Variants in EED observed in about 807,000 individuals in gnomAD.
The protein encoded by EED is polycomb protein EED.
In EED, 9 loss-of-function variants were observed where a neutral mutation model predicts 61.0. That is an observed-to-expected ratio of 0.15 (90% CI 0.09 to 0.26). EED has a LOEUF of 0.26. Among genes scored for constraint, EED ranks in the 10% least tolerant of loss-of-function variants. The probability of loss-of-function intolerance (pLI) is 1.00; values close to 1 mark genes in which losing one functional copy is unlikely to be tolerated. For missense variants in EED, 315 were observed against 542.3 expected, an observed-to-expected ratio of 0.58 and a Z score of 4.16; for synonymous variants, 187 against 174.4, an observed-to-expected ratio of 1.07 and a Z score of -0.57.
At chr11:86,277,891 G>T in intron 10 of EED, 27 bp from the exon 11 acceptor site, 2 of 1,500,978 alleles carry the variant, frequency 1.3e-6, no homozygotes, top group East Asian at 2.6e-5. Flanking sequence ...TTATTAATTT[G>T]ATGTTTTTAA....
chr11:86,256,076 T>G (rs898558904), intron 4 of EED, among the ~76,000 whole-genome samples: 6 of 152,216 alleles, frequency 3.9e-5, no homozygotes, highest in Admixed American at 6.5e-5. Context: ...TTTGTAAAGT[T>G]TTGTTTTGAA....
intron 6 of EED, among the ~76,000 whole-genome samples, chr11:86,258,029 T>A (rs1945721473): frequency 1.3e-5 from 2 of 152,238 alleles, no homozygotes. Context: ...GTTACTTAGG[T>A]TGACAGGTCC....
intron 9 of EED, among the ~76,000 whole-genome samples, chr11:86,274,449 G>A (rs902824200): frequency 6.6e-6 from 1 of 152,126 alleles, no homozygotes; most frequent in Non-Finnish European, 1.5e-5. Flanking sequence ...GGTATTTTGG[G>A]TATTACGAGA....
At chr11:86,277,365 G>A in intron 10 of EED, 1 of 348,508 alleles carries the variant, frequency 2.9e-6, no homozygotes, top group Non-Finnish European at 5.2e-6. Flanking sequence ...TAAGTTGGCA[G>A]TTAGGTATCA....
chr11:86,267,310 T>C (rs777498316), intron 8 of EED, among the ~76,000 whole-genome samples: 8 of 152,198 alleles, frequency 5.3e-5, no homozygotes, highest in Non-Finnish European at 1.2e-4. Flanking sequence ...ATTGGAAGGA[T>C]TGTTTTGAGT....
chr11:86,268,619 G>GTGTGTGTA, intron 9 of EED, 58 bp downstream of exon 9: 2 of 1,127,182 alleles, frequency 1.8e-6, no homozygotes, highest in South Asian at 3.3e-5. Context: ...GTGTGTGTGT[G>GTGTGTGTA]TGTGTGTATG....
At chr11:86,271,048 A>G (rs1946100974) in intron 9 of EED, among the ~76,000 whole-genome samples, 1 of 152,142 alleles carries the variant, frequency 6.6e-6, no homozygotes, top group Non-Finnish European at 1.5e-5. Flanking sequence ...CTACATTTCT[A>G]AAAATCTTGC....
intron 3 of EED, among the ~76,000 whole-genome samples, chr11:86,252,514 CTTTTT>C (rs369772003): frequency 7.2e-6 from 1 of 138,178 alleles, no homozygotes. Flanking sequence ...AATTGGCGTC[CTTTTT>C]TTTTTTTTTT....
chr11:86,277,187 AT>A (rs1353468605), intron 10 of EED, 49 bp downstream of exon 10: 1 of 1,475,710 alleles, frequency 6.8e-7, no homozygotes, highest in East Asian at 2.3e-5. Context: ...ATGAAAGACC[AT>A]TGTAATTCTA....
intron 9 of EED, among the ~76,000 whole-genome samples, chr11:86,271,737 A>G (rs1213547250): frequency 1.3e-5 from 2 of 152,058 alleles, no homozygotes; most frequent in Non-Finnish European, 2.9e-5. Flanking sequence ...ATCAGTTTAT[A>G]TGCTCATATG....
chr11:86,257,336 G>C (rs1427730120), intron 5 of EED, among the ~76,000 whole-genome samples, 179 bp from the exon 6 acceptor site: 1 of 149,328 alleles, frequency 6.7e-6, no homozygotes, highest in Non-Finnish European at 1.5e-5. Flanking sequence ...ACTGTGCCTG[G>C]GGTCTTTTTT....
the EED span, among the ~76,000 whole-genome samples, chr11:86,286,802 C>T: frequency 1.3e-5 from 2 of 151,798 alleles, no homozygotes; most frequent in Non-Finnish European, 2.9e-5. Flanking sequence ...GAAACCCCGT[C>T]TCTACTAAAA....
At position 86,262,951 on chromosome 11, in the gene EED, G is replaced by T. The variant is rs150626505; in HGVS notation, c.635-1221G>T. Reference sequence around the variant, plus strand: ...CTCAGTCCCCTAAGTAGCTAGAACTGCAGGTACACGCCACCACACCTGGCT... The same window carrying T: ...CTCAGTCCCCTAAGTAGCTAGAACTTCAGGTACACGCCACCACACCTGGCT... On this transcript the variant is annotated intron_variant, in intron 6 of 11. Coordinates refer to ENST00000263360, the MANE Select transcript of EED (RefSeq NM_003797.5). 4.6e-3 allele frequency among the ~76,000 whole-genome samples: 693 copies of T among 151,486 alleles called. 4 individuals carry two copies. The highest frequency in any genetic ancestry group is 0.016 in the African/African-American group (656 of 41,272).
At chr11:86,280,531 G>A (rs571557864), downstream of EED, among the ~76,000 whole-genome samples, 1 of 152,174 alleles carries the variant, frequency 6.6e-6, no homozygotes, top group South Asian at 2.1e-4. Context: ...GTGATCTCAA[G>A]GTTCTTAGAA....
At chr11:86,251,164 A>G (rs1945521479) in intron 2 of EED, among the ~76,000 whole-genome samples, 1 of 152,144 alleles carries the variant, frequency 6.6e-6, no homozygotes, top group Admixed American at 6.5e-5. Context: ...TATATTTTTT[A>G]TAAGTAAAGT....
chr11:86,278,037 A>G lies in EED; in HGVS notation c.1199+46A>G, dbSNP rs570806679. ...GTTCAAAATTTCAGGCTTTTTCTCCACACTTGTATGCCAATGTAGAGAAGA... is the reference window on the plus strand; with the variant it reads ...GTTCAAAATTTCAGGCTTTTTCTCCGCACTTGTATGCCAATGTAGAGAAGA... On this transcript the variant is annotated intron_variant, in intron 11 of 11. Coordinates refer to ENST00000263360, the MANE Select transcript of EED (RefSeq NM_003797.5). The G allele has an allele frequency of 3.2e-5, 47 of 1,480,788 alleles. 2 individuals carry two copies. The South Asian group carries it at 6.6e-4, about 21-fold the overall frequency. 91.7% of individuals were successfully genotyped at this position (1,480,788 alleles called of 1,614,324 possible).
chr11:86,279,179 C>A (rs1161759996), downstream of EED, among the ~76,000 whole-genome samples: 1 of 152,090 alleles, frequency 6.6e-6, no homozygotes, highest in Non-Finnish European at 1.5e-5. Flanking sequence ...AGAGTTAGAA[C>A]CTCTGATAAT....
At chr11:86,255,355 T>G (rs1313735332) in intron 4 of EED, 68 bp downstream of exon 4, 4 of 1,244,950 alleles carry the variant, frequency 3.2e-6, no homozygotes, top group Non-Finnish European at 4.6e-6. Flanking sequence ...CACCAAAACT[T>G]TTATAAATTA....
At chr11:86,253,157 A>G (rs1210389784) in intron 3 of EED, among the ~76,000 whole-genome samples, 3 of 152,248 alleles carry the variant, frequency 2.0e-5, no homozygotes, top group African/African-American at 7.2e-5. Context: ...AGTTGATAAC[A>G]TGAAATAATA....
Sources: gnomAD v4.1 joint callset for allele counts (sites outside exome capture counted in the v4.1 genomes callset) on GRCh38, gnomAD v4.1.1 for gene constraint, MANE v1.5 for transcripts, NCBI Gene and HGNC (gene_info 2026-07-23, HGNC 2026-07-21) for gene names.